Variants in PARP12 observed in about 807,000 individuals in gnomAD.
PARP12 encodes protein mono-ADP-ribosyltransferase PARP12.
PARP12 carries 59 observed loss-of-function variants against 72.4 expected under a neutral mutation model. The observed-to-expected ratio is 0.81, with a 90% CI of 0.66 to 1.01. The LOEUF is 1.01. Among genes scored for constraint, PARP12 ranks in the 50% least tolerant of loss-of-function variants. The pLI is 0.00. For synonymous variants in PARP12, 403 were observed against 371.4 expected (o/e 1.09, Z -0.98); for missense variants, 851 against 914.0 (o/e 0.93, Z 0.89).
intron 4 of PARP12, among the ~76,000 whole-genome samples, chr7:140,052,193 G>A (rs964915202): frequency 2.6e-5 from 4 of 152,166 alleles, no homozygotes; most frequent in Admixed American, 1.3e-4. Flanking sequence ...CAGGCAGAAT[G>A]GTTTTGGCAC....
At chr7:140,046,018 G>A (rs1816704710) in intron 5 of PARP12, among the ~76,000 whole-genome samples, 1 of 152,206 alleles carries the variant, frequency 6.6e-6, no homozygotes, top group Admixed American at 6.5e-5. Flanking sequence ...GGAAGGAGAT[G>A]GGGTGAGGAA....
Position 140,024,578 on chromosome 7 carries a change from C to G in PARP12, c.2088G>C (p.Leu696=), listed in dbSNP as rs146935301. 707 of 1,614,192 alleles carry G rather than the reference C, an allele frequency of 4.4e-4. 1 individual carries two copies. Among genetic ancestry groups the G allele is most frequent in the Non-Finnish European group, 5.7e-4 (676 of 1,180,044 alleles). ...TPSILLALGS[L]FSSRQ ...TGTGCGCTCACTGTCGGCTGCTGAA[C>G]AGGGAGCCCAAGGCCAGCAGGATGG... The change falls in exon 12 of 12, where the codon CTG becomes CTC. Residue 696 remains leucine (L), a synonymous_variant. Transcript: ENST00000263549.
chr7:140,028,919 C>T, intron 8 of PARP12: 1 of 367,296 alleles, frequency 2.7e-6, no homozygotes, highest in South Asian at 2.4e-5. Context: ...TATTTCTCGC[C>T]TGTGTCCCAA....
intron 6 of PARP12, chr7:140,038,388 A>T (rs939040075): frequency 2.4e-6 from 2 of 846,308 alleles, no homozygotes. Flanking sequence ...GAAATCTCGT[A>T]GCTTCAGCTG....
chr7:140,059,880 G>T (rs1817368732), intron 1 of PARP12, among the ~76,000 whole-genome samples: 3 of 152,192 alleles, frequency 2.0e-5, no homozygotes, highest in Admixed American at 2.0e-4. Context: ...AAGAAATCAG[G>T]GGAGCATGCT....
intron 8 of PARP12, among the ~76,000 whole-genome samples, chr7:140,031,024 G>T (rs1815922353): frequency 6.6e-6 from 1 of 152,170 alleles, no homozygotes; most frequent in Non-Finnish European, 1.5e-5. Context: ...AAGGCAAATG[G>T]AAGAAAAGAT....
At position 140,027,409 on chromosome 7, in the gene PARP12, G is replaced by A. The variant is rs1569526372; in HGVS notation, c.1498-3C>T. 1.2e-6 allele frequency: 2 copies of A among 1,613,570 alleles called. No individual in the cohort carries two copies. The highest frequency in any genetic ancestry group is 1.7e-5 in the Admixed American group (1 of 59,996). On this transcript the variant is annotated splice_polypyrimidine_tract_variant and splice_region_variant and intron_variant, in intron 9 of 11. Transcript: ENST00000263549. ...GAGGAAGAACTAAGGGTGATCTTCT[G>A]CAAGGGGCAAATGTTTTTAATGCAT...
At chr7:140,028,752 G>C (rs79917840) in intron 8 of PARP12, 64 bp from the exon 9 acceptor site, 21,276 of 1,405,446 alleles carry the variant, frequency 0.015, 223 homozygotes, top group Middle Eastern at 0.031. Flanking sequence ...TATACCATAG[G>C]TGGTCTCTGC....
rs1815737846 is a variant in PARP12 at position 140,026,341 on chromosome 7, C to T, written c.1636G>A (p.Gly546Arg). 1 of 1,609,778 alleles carries T rather than the reference C, an allele frequency of 6.2e-7. No homozygotes were observed. Among genetic ancestry groups the T allele is most frequent in the Non-Finnish European group, 8.5e-7 (1 of 1,179,246 alleles). Residue 546 changes from glycine to arginine, a missense_variant, in exon 11 of 12, where the codon GGA (glycine) becomes AGA (arginine). Transcript: ENST00000263549. ...CCTCCGTTCTGCTTCTGCATCTGTCCTTTTTGCCTAGAATCACAGAAGAAT... is the reference window on the plus strand; with the variant it reads ...CCTCCGTTCTGCTTCTGCATCTGTCTTTTTTGCCTAGAATCACAGAAGAAT... ...ALWEVYQWQK[G>R]QMQKQNGGKA...
chr7:140,041,624 C>T lies in PARP12; in HGVS notation c.1182+20G>A. The stretch of plus-strand genomic sequence containing the variant: ...CAGATCCTCAGGACAAAACATTCAC[C>T]CTCTTTCCATCACACTTACCTGTCT... On this transcript the variant is annotated intron_variant, in intron 6 of 11. Coordinates refer to ENST00000263549, the MANE Select transcript of PARP12 (RefSeq NM_022750.4). 6.2e-7 allele frequency: 1 copy of T among 1,606,130 alleles called. No homozygotes were observed. Among genetic ancestry groups the T allele is most frequent in the Non-Finnish European group, 8.5e-7 (1 of 1,174,748 alleles).
At chr7:140,037,140 T>A (rs1319406289) in intron 7 of PARP12, among the ~76,000 whole-genome samples, 1 of 152,150 alleles carries the variant, frequency 6.6e-6, no homozygotes, top group Non-Finnish European at 1.5e-5. Context: ...CTGGCCAACA[T>A]GATGAAACCC....
chr7:140,047,298 G>A (rs1414608152), intron 4 of PARP12, among the ~76,000 whole-genome samples: 2 of 152,206 alleles, frequency 1.3e-5, no homozygotes, highest in Non-Finnish European at 2.9e-5. Context: ...AGGTGACTGG[G>A]TCATAGATAA....
chr7:140,059,865 T>C (rs1297028452), intron 1 of PARP12, among the ~76,000 whole-genome samples: 1 of 152,082 alleles, frequency 6.6e-6, no homozygotes, highest in Non-Finnish European at 1.5e-5. Context: ...GGGAGAGAAC[T>C]GGGGAAGAAA....
chr7:140,042,202 C>A (rs1816505099), intron 5 of PARP12, among the ~76,000 whole-genome samples: 1 of 152,172 alleles, frequency 6.6e-6, no homozygotes, highest in Non-Finnish European at 1.5e-5. Context: ...TGAGCCAGAC[C>A]CTGCATTAAG....
intron 8 of PARP12, among the ~76,000 whole-genome samples, chr7:140,032,521 A>G (rs927231366): frequency 3.3e-5 from 5 of 152,082 alleles, no homozygotes; most frequent in African/African-American, 1.2e-4. Flanking sequence ...ATGGTTCATC[A>G]CGACATTATA....
At position 140,024,561 on chromosome 7, in the gene PARP12, C is replaced by CA. The variant is rs754413834; in HGVS notation, c.2104dup (p.Ter702LeufsTer31). ...AAGGCCTGGAACACTCCTGTGCGCT[C>CA]ACTGTCGGCTGCTGAACAGGGAGCC... On this transcript the variant is annotated frameshift_variant and stop_lost, in exon 12 of 12. Transcript: ENST00000263549. LOFTEE classifies it high-confidence loss of function. The CA allele has an allele frequency of 1.2e-6, 2 of 1,614,134 alleles. No homozygotes were observed. Among genetic ancestry groups the CA allele is most frequent in the Non-Finnish European group, 1.7e-6 (2 of 1,180,018 alleles).
At chr7:140,046,733 T>C in intron 5 of PARP12, 151 bp downstream of exon 5, 1 of 753,926 alleles carries the variant, frequency 1.3e-6, no homozygotes. Context: ...TGTGTGTGTG[T>C]GTGTGTGTGT....
intron 4 of PARP12, among the ~76,000 whole-genome samples, chr7:140,053,734 T>C (rs1010329666): frequency 6.6e-6 from 1 of 152,152 alleles, no homozygotes; most frequent in Non-Finnish European, 1.5e-5. Flanking sequence ...TGGAACATCA[T>C]TATAATCAAC....
rs554247906 is a variant in PARP12, at chr7:140,059,218, G to A, written c.327-1184C>T. 5.9e-5 allele frequency among the ~76,000 whole-genome samples: 9 copies of A among 152,334 alleles called. No individual in the cohort carries two copies. In the South Asian group the frequency reaches 1.2e-3, roughly 21 times the overall value. On this transcript the variant is annotated intron_variant, in intron 1 of 11. Transcript: ENST00000263549. Reference sequence around the variant, plus strand: ...TGCAAGGTCTAAGGCCCAGGACAGCGCCTCTGAACAAGCATTTGATGAGAA... The same window carrying A: ...TGCAAGGTCTAAGGCCCAGGACAGCACCTCTGAACAAGCATTTGATGAGAA...
Sources: gnomAD v4.1 joint callset for allele counts (sites outside exome capture counted in the v4.1 genomes callset) on GRCh38, gnomAD v4.1.1 for gene constraint, MANE v1.5 for transcripts, NCBI Gene and HGNC (gene_info 2026-07-23, HGNC 2026-07-21) for gene names.